The following CCAR1 variants were observed in gnomAD, a reference collection of about 807,000 sequenced individuals.
The protein encoded by CCAR1 is cell division cycle and apoptosis regulator protein 1.
A neutral mutation model predicts 163.8 loss-of-function variants in CCAR1; 78 were observed. The ratio of observed to expected loss-of-function variants is 0.48; its 90% CI spans 0.40 to 0.57. CCAR1 has a LOEUF of 0.57. Among genes scored for constraint, CCAR1 ranks in the 20% least tolerant of loss-of-function variants. CCAR1 has a pLI of 0.00. For missense variants in CCAR1, 1,019 were observed against 1,365.2 expected, an observed-to-expected ratio of 0.75 and a Z score of 4.00; for synonymous variants, 443 against 460.7, an observed-to-expected ratio of 0.96 and a Z score of 0.49.
intron 19 of CCAR1, among the ~76,000 whole-genome samples, chr10:68,781,966 A>G (rs2056741885): frequency 2.0e-5 from 3 of 152,222 alleles, no homozygotes. Flanking sequence ...GAGATAGGCC[A>G]AAAGCTAGTT....
rs545287888 is a variant in CCAR1 at position 68,787,295 on chromosome 10, C to T, written c.2880+603C>T. Among the ~76,000 whole-genome samples, 19 of 150,978 alleles carry T rather than the reference C, an allele frequency of 1.3e-4. No individual in the cohort carries two copies. The East Asian group carries it at 3.3e-3, about 26-fold the overall frequency. ...TTCATTCCACAGTATTCTATAGATA[C>T]ATTCACCATGAAAATAGAGACCTGC... On this transcript the variant is annotated intron_variant, in intron 21 of 24. Coordinates refer to ENST00000265872, the MANE Select transcript of CCAR1 (RefSeq NM_018237.4).
chr10:68,762,729 G>A (rs2056488865), intron 16 of CCAR1, among the ~76,000 whole-genome samples: 1 of 152,074 alleles, frequency 6.6e-6, no homozygotes, highest in Non-Finnish European at 1.5e-5. Context: ...AATCTAGAAT[G>A]TGAAATTTTC....
intron 17 of CCAR1, among the ~76,000 whole-genome samples, chr10:68,769,288 T>C (rs2056572026): frequency 6.6e-6 from 1 of 152,196 alleles, no homozygotes; most frequent in South Asian, 2.1e-4. Context: ...TTAGCCCTTT[T>C]TAAGAGTCTG....
chr10:68,761,884 G>A (rs1297243302), intron 16 of CCAR1, among the ~76,000 whole-genome samples: 1 of 152,162 alleles, frequency 6.6e-6, no homozygotes, highest in Non-Finnish European at 1.5e-5. Context: ...TTACAGGCGT[G>A]AGCCACTGTG....
intron 6 of CCAR1, 141 bp downstream of exon 6, chr10:68,742,710 G>C: frequency 1.5e-6 from 1 of 680,324 alleles, no homozygotes; most frequent in Non-Finnish European, 2.6e-6. Flanking sequence ...CTGCCTCCTG[G>C]GTTCAAGCAA....
At chr10:68,785,142 C>T (rs1222970960) in intron 19 of CCAR1, among the ~76,000 whole-genome samples, 1 of 151,744 alleles carries the variant, frequency 6.6e-6, no homozygotes, top group Non-Finnish European at 1.5e-5. Flanking sequence ...TGGTCTCGAT[C>T]TCCTGACCTC....
intron 2 of CCAR1, among the ~76,000 whole-genome samples, chr10:68,726,971 G>T (rs1332934028): frequency 6.7e-6 from 1 of 149,084 alleles, no homozygotes; most frequent in Non-Finnish European, 1.5e-5. Context: ...CTCCAGCCTG[G>T]GTGATGAGCA....
At chr10:68,724,470 A>G (rs559894983) in intron 2 of CCAR1, among the ~76,000 whole-genome samples, 120 of 152,248 alleles carry the variant, frequency 7.9e-4, no homozygotes, top group African/African-American at 2.5e-3. Context: ...CCCCAAAAAA[A>G]TTGAGTCGGA....
intron 6 of CCAR1, among the ~76,000 whole-genome samples, chr10:68,743,448 G>A (rs1339585095): frequency 2.0e-5 from 3 of 151,986 alleles, no homozygotes; most frequent in Admixed American, 2.0e-4. Flanking sequence ...TTACAGGTGT[G>A]AGCCACTGTG....
At chr10:68,767,005 T>C (rs117850434) in intron 17 of CCAR1, among the ~76,000 whole-genome samples, 1 of 152,172 alleles carries the variant, frequency 6.6e-6, no homozygotes, top group African/African-American at 2.4e-5. Context: ...GTAAATTGAT[T>C]GTTGGATCTA....
chr10:68,732,524 G>A (rs1051566515), intron 2 of CCAR1, among the ~76,000 whole-genome samples: 5 of 151,794 alleles, frequency 3.3e-5, no homozygotes, highest in Admixed American at 1.3e-4. Flanking sequence ...TAACTTTTGT[G>A]TTTTAATAGA....
chr10:68,786,640 A>G lies in CCAR1; in HGVS notation c.2828A>G (p.Lys943Arg), dbSNP rs2056798197. 4 of 1,605,680 alleles carry G rather than the reference A, an allele frequency of 2.5e-6. No homozygotes were observed. The East Asian group carries it at 6.7e-5, about 27-fold the overall frequency. ...DQSHCGYLLE[K>R]DLEEILYTLG... ...AGTCATTGTGGTTACCTTCTTGAAAAGGATTTGGAAGAAATACTTTATACT... is the reference window on the plus strand; with the variant it reads ...AGTCATTGTGGTTACCTTCTTGAAAGGGATTTGGAAGAAATACTTTATACT... The change falls in exon 21 of 25, where the codon AAG becomes AGG. Residue 943 changes from lysine to arginine, a missense_variant. Lys to Arg is a conservative substitution (Grantham distance 26). Transcript: ENST00000265872.
chr10:68,741,475 G>A (rs2056183279), intron 5 of CCAR1, among the ~76,000 whole-genome samples: 1 of 152,124 alleles, frequency 6.6e-6, no homozygotes, highest in African/African-American at 2.4e-5. Flanking sequence ...TGTAAAAAGT[G>A]TTCTTAGCTT....
chr10:68,783,411 G>A (rs2056759297), intron 19 of CCAR1, among the ~76,000 whole-genome samples: 1 of 151,802 alleles, frequency 6.6e-6, no homozygotes, highest in South Asian at 2.1e-4. Context: ...CTGACCTCGT[G>A]ATCTGTCTGC....
chr10:68,744,748 A>G (rs1034639503), intron 6 of CCAR1, among the ~76,000 whole-genome samples: 2 of 152,124 alleles, frequency 1.3e-5, no homozygotes, highest in Non-Finnish European at 2.9e-5. Context: ...ATGGGGTGGT[A>G]AATTATTAAT....
chr10:68,740,746 G>T, intron 5 of CCAR1, 85 bp downstream of exon 5: 1 of 1,067,014 alleles, frequency 9.4e-7, no homozygotes, highest in Non-Finnish European at 1.4e-6. Context: ...TTTCTTTCAG[G>T]GTTTAGTTAC....
At position 68,791,419 on chromosome 10, in the gene CCAR1, T is replaced by G. The variant is rs1229487999; in HGVS notation, c.*153T>G. 1 of 483,136 alleles carries G rather than the reference T, an allele frequency of 2.1e-6. No homozygotes were observed. Among genetic ancestry groups the G allele is most frequent in the Non-Finnish European group, 3.7e-6 (1 of 272,316 alleles). 29.9% of individuals were successfully genotyped at this position (483,136 alleles called of 1,614,324 possible). ...ATAAAGTTTTATGAATGTGAGTTTC[T>G]GCTTTTGAAAATTGCTTGTAATTCC... On this transcript the variant is annotated 3_prime_UTR_variant, in exon 25 of 25. Transcript: ENST00000265872.
chr10:68,740,803 T>A, intron 5 of CCAR1, 142 bp downstream of exon 5: 2 of 583,326 alleles, frequency 3.4e-6, no homozygotes. Context: ...TAAATAAAGG[T>A]AGTAGTATGC....
Position 68,788,164 on chromosome 10 carries a change from C to T in CCAR1, c.3023C>T (p.Thr1008Ile). The T allele has an allele frequency of 6.3e-7, 1 of 1,576,286 alleles. No individual in the cohort carries two copies. The highest frequency in any genetic ancestry group is 2.3e-5 in the East Asian group (1 of 44,346). Residue 1008 changes from threonine to isoleucine, a missense_variant, in exon 23 of 25, where the codon ACA (threonine) becomes ATA (isoleucine). By Grantham distance (89) the Thr-to-Ile change is moderately conservative (BLOSUM62 -1). This residue lies in a region of CCAR1 where 358 missense variants were observed against 406.4 expected (regional missense o/e 0.88). Transcript: ENST00000265872. ...DMLGNRLLLP[T>I]PTVKQESKDV... ...ATAGGAAACAGATTATTACTTCCAA[C>T]ACCAACAGTAAAGCAGGAATCAAAG...
Sources: allele counts gnomAD v4.1 joint callset (sites outside exome capture counted in the v4.1 genomes callset), GRCh38; gene constraint gnomAD v4.1.1; regional missense constraint gnomAD v4.1.1; transcripts MANE v1.5; gene names NCBI Gene and HGNC (gene_info 2026-07-23, HGNC 2026-07-21).